The following KLC3 variants were observed in gnomAD, a reference collection of about 807,000 sequenced individuals.
The protein encoded by KLC3 is kinesin light chain 3.
Under a neutral mutation model 62.9 loss-of-function variants are expected in KLC3, and 72 were observed. That is an observed-to-expected ratio of 1.15 (90% CI 0.95 to 1.39). The LOEUF (loss-of-function observed/expected upper bound fraction) is 1.39. Ranked by LOEUF, KLC3 falls within the 40% of genes most tolerant of loss-of-function variation. The pLI is 0.00. For missense variants in KLC3, 848 were observed against 691.6 expected (o/e 1.23, Z -2.54); for synonymous variants, 377 against 300.5 (o/e 1.25, Z -2.63).
intron 7 of KLC3, 33 bp downstream of exon 7, chr19:45,348,954 CCTT>C: frequency 6.5e-7 from 1 of 1,532,880 alleles, no homozygotes; most frequent in Non-Finnish European, 8.9e-7. Context: ...CCGAGGAACC[CCTT>C]GTCCCATGTA....
chr19:45,350,555 A>C lies in KLC3; in HGVS notation c.1272+4A>C. 10 of 1,613,660 alleles carry C rather than the reference A, an allele frequency of 6.2e-6. No individual in the cohort carries two copies. The highest frequency in any genetic ancestry group is 7.6e-6 in the Non-Finnish European group (9 of 1,179,930). On this transcript the variant is annotated splice_donor_region_variant and intron_variant, in intron 10 of 12. Coordinates refer to ENST00000391946, the MANE Select transcript of KLC3 (RefSeq NM_177417.3). ...CACAGCTGGTGACGCAGAACAGGTG[A>C]GGATGGGCTGTGCTTCGGCTCCTGG...
rs1485191469 is a variant in KLC3 at position 45,350,370 on chromosome 19, T to C, written c.1173T>C (p.Tyr391=). The stretch of plus-strand genomic sequence containing the variant: ...CAGCCTACCTGAAACAGAACAAGTA[T>C]CAACAAGCGGAAGAGCTGTACAAAG... ...LASAYLKQNK[Y]QQAEELYKEI... is the part of the protein sequence containing the mutation. Residue 391 remains tyrosine (Y), a synonymous_variant, in exon 9 of 13, where the codon TAT becomes TAC. Coordinates refer to ENST00000391946, the MANE Select transcript of KLC3 (RefSeq NM_177417.3). The C allele has an allele frequency of 6.2e-7, 1 of 1,612,270 alleles. No homozygotes were observed. The highest frequency in any genetic ancestry group is 1.3e-5 in the African/African-American group (1 of 74,310).
In KLC3 at chr19:45,351,353, A is replaced by C. The variant is rs1971764586; in HGVS notation, c.1511A>C (p.His504Pro). The change falls in exon 13 of 13, where the codon CAC (histidine) becomes CCC (proline). Residue 504 changes from histidine to proline, a missense_variant. By Grantham distance (77) the His-to-Pro change is moderately conservative. Transcript: ENST00000391946. ...LSASTQDLSP[H>P] ...GCCAGCACCCAGGACCTGAGCCCCC[A>C]CTAACGTCCAGTGAACTGCGCTGGC... 1.9e-6 allele frequency: 3 copies of C among 1,610,796 alleles called. No individual in the cohort carries two copies. Among genetic ancestry groups the C allele is most frequent in the Non-Finnish European group, 2.5e-6 (3 of 1,179,970 alleles).
In KLC3 at chr19:45,345,718, C is replaced by T. The variant is rs749053756; in HGVS notation, c.177C>T (p.Ala59=). 1.7e-5 allele frequency: 27 copies of T among 1,563,240 alleles called. No homozygotes were observed. Among genetic ancestry groups the T allele is most frequent in the Middle Eastern group, 2.0e-4 (1 of 5,126 alleles). ...AEALAGQGPA[A]GLEMLEEKQQ... ...CCCTGGCGGGACAGGGCCCGGCAGCCGGCTTGGAGATGCTGGAGGAAAAGC... is the reference window on the plus strand; with the variant it reads ...CCCTGGCGGGACAGGGCCCGGCAGCTGGCTTGGAGATGCTGGAGGAAAAGC... Residue 59 remains alanine, a synonymous_variant, in exon 2 of 13, where the codon GCC becomes GCT. Transcript: ENST00000391946.
chr19:45,345,180 G>A, intron 1 of KLC3: 1 of 464,728 alleles, frequency 2.2e-6, no homozygotes, highest in East Asian at 3.7e-5. Context: ...GGGCCTTGGG[G>A]TGGGGAAGGC....
In KLC3 at chr19:45,346,611, C is replaced by G; in HGVS notation, c.326C>G (p.Ala109Gly). The change falls in exon 3 of 13, where the codon GCC (alanine) becomes GGC (glycine). Residue 109 changes from alanine to glycine, a missense_variant. Coordinates refer to ENST00000391946, the MANE Select transcript of KLC3 (RefSeq NM_177417.3). ...EAEKQRLRSQ[A>G]RRLAQENVWL... Reference sequence around the variant, plus strand: ...GAGAAGCAGCGGCTGCGCTCGCAGGCCCGGCGGCTGGCCCAGGAGAACGTG... The same window carrying G: ...GAGAAGCAGCGGCTGCGCTCGCAGGGCCGGCGGCTGGCCCAGGAGAACGTG... 6.4e-7 allele frequency: 1 copy of G among 1,550,784 alleles called. No individual in the cohort carries two copies.
chr19:45,349,012 T>A, intron 7 of KLC3, 91 bp downstream of exon 7: 1 of 1,161,634 alleles, frequency 8.6e-7, no homozygotes, highest in South Asian at 1.4e-5. Context: ...ACCCTGACCC[T>A]CGGGCCCCTT....
At position 45,346,459 on chromosome 19, in the gene KLC3, C is replaced by T. The variant is rs918273296; in HGVS notation, c.259-85C>T. ...TGTCGTGCATAGTAGTGGGGTGCTA[C>T]GGCCTGACTCGAGGCCTGGGCTGGG... On this transcript the variant is annotated intron_variant, in intron 2 of 12. Coordinates refer to ENST00000391946, the MANE Select transcript of KLC3 (RefSeq NM_177417.3). The T allele has an allele frequency of 9.3e-5, 108 of 1,155,726 alleles. 1 individual carries two copies. Among genetic ancestry groups the T allele is most frequent in the Non-Finnish European group, 4.3e-5 (36 of 833,038 alleles). The allele number at this position is 1,155,726 out of a possible 1,614,324, so 71.6% of individuals were successfully genotyped here.
chr19:45,347,134 G>A (rs545227552), intron 3 of KLC3: 23 of 413,162 alleles, frequency 5.6e-5, no homozygotes, highest in African/African-American at 4.1e-4. Context: ...CCTGAGGTCC[G>A]GATTTCAAGA....
At chr19:45,349,632 A>G in intron 8 of KLC3, 30 bp downstream of exon 8, 1 of 1,495,906 alleles carries the variant, frequency 6.7e-7, no homozygotes, top group Admixed American at 1.8e-5. Flanking sequence ...GAGTGGGCCA[A>G]GAGTGGAGGG....
At chr19:45,348,518 C>T in intron 5 of KLC3, 128 bp from the exon 6 acceptor site, 1 of 880,364 alleles carries the variant, frequency 1.1e-6, no homozygotes, top group Admixed American at 2.4e-5. Context: ...AAAAGGCCCT[C>T]AAAGGGTGTG....
In KLC3 at chr19:45,345,521, C is replaced by A. The variant is rs1187435897; in HGVS notation, c.-8-13C>A. ...GGCAATGATTCCCCAAACCCCTCAC[C>A]ATTGCTCCCCAGGAGCAGCAATGTC... is the stretch of plus-strand genomic sequence containing the variant. On this transcript the variant is annotated splice_polypyrimidine_tract_variant and intron_variant, in intron 1 of 12. Coordinates refer to ENST00000391946, the MANE Select transcript of KLC3 (RefSeq NM_177417.3). 1 of 1,557,616 alleles carries A rather than the reference C, an allele frequency of 6.4e-7. No homozygotes were observed. The highest frequency in any genetic ancestry group is 1.2e-5 in the South Asian group (1 of 84,414).
intron 8 of KLC3, 31 bp from the exon 9 acceptor site, chr19:45,350,310 G>T: frequency 6.3e-7 from 1 of 1,587,382 alleles, no homozygotes; most frequent in Non-Finnish European, 8.6e-7. Flanking sequence ...ACTGGGGTCC[G>T]AAAAGTTCCC....
Position 45,348,152 on chromosome 19 carries a change from G to A in KLC3, c.771G>A (p.Leu257=), listed in dbSNP as rs765169958. The A allele has an allele frequency of 1.3e-6, 2 of 1,587,022 alleles. No individual in the cohort carries two copies. The highest frequency in any genetic ancestry group is 2.3e-5 in the East Asian group (1 of 43,714). Residue 257 remains leucine, a synonymous_variant, in exon 5 of 13, where the codon CTG becomes CTA. Transcript: ENST00000391946. ...DVATMLNILA[L]VYRDQNKYKE... ...CCACCATGCTCAACATCCTGGCGCT[G>A]GTGTACCGGTGAGCACTGCGGCCAG...
At chr19:45,347,840 C>G (rs1971541000) in intron 4 of KLC3, 101 bp from the exon 5 acceptor site, 5 of 974,040 alleles carry the variant, frequency 5.1e-6, no homozygotes. Flanking sequence ...GTCCCAGGGG[C>G]CAGTTAGGCA....
chr19:45,341,021 C>T (rs974631124), intron 1 of KLC3, among the ~76,000 whole-genome samples, 175 bp downstream of exon 1: 4 of 152,070 alleles, frequency 2.6e-5, no homozygotes, highest in African/African-American at 9.7e-5. Context: ...CCATGCCCCC[C>T]ACCCCAGCGC....
At chr19:45,348,272 G>C (rs747189369) in intron 5 of KLC3, 112 bp downstream of exon 5, 90 of 996,822 alleles carry the variant, frequency 9.0e-5, no homozygotes, top group Non-Finnish European at 1.3e-4. Flanking sequence ...AGGGAGGTCA[G>C]GGGAGGGGAC....
At chr19:45,349,647 G>A (rs775327324) in intron 8 of KLC3, 45 bp downstream of exon 8, 18 of 1,505,350 alleles carry the variant, frequency 1.2e-5, no homozygotes, top group Admixed American at 5.9e-5. Context: ...GGAGGGTCCT[G>A]CCCTGGGGAG....
chr19:45,343,709 G>A (rs1971434152), intron 1 of KLC3, among the ~76,000 whole-genome samples: 1 of 152,184 alleles, frequency 6.6e-6, no homozygotes, highest in Non-Finnish European at 1.5e-5. Context: ...AATAGTATAT[G>A]TGTGTGCCTG....
Sources: gnomAD v4.1 joint callset for allele counts (sites outside exome capture counted in the v4.1 genomes callset) on GRCh38, gnomAD v4.1.1 for gene constraint, MANE v1.5 for transcripts, NCBI Gene and HGNC (gene_info 2026-07-23, HGNC 2026-07-21) for gene names.